Variants in EIF2B3 observed in about 807,000 individuals in gnomAD.
EIF2B3 encodes translation initiation factor eIF2B subunit gamma.
In EIF2B3, 20 loss-of-function variants were observed where a neutral mutation model predicts 54.1. The ratio of observed to expected loss-of-function variants is 0.37; its 90% confidence interval spans 0.26 to 0.54. EIF2B3 has a LOEUF of 0.54. EIF2B3 is among the 20% of genes least tolerant of loss of function. The probability of loss-of-function intolerance (pLI) is 0.86; values close to 1 mark genes in which losing one functional copy is unlikely to be tolerated. For missense variants in EIF2B3, 448 were observed against 547.8 expected, an observed-to-expected ratio of 0.82 and a Z score of 1.82; for synonymous variants, 153 against 188.1, an observed-to-expected ratio of 0.81 and a Z score of 1.52.
At chr1:44,856,617 G>A (rs1026201421) in intron 11 of EIF2B3, among the ~76,000 whole-genome samples, 1 of 150,582 alleles carries the variant, frequency 6.6e-6, no homozygotes, top group Non-Finnish European at 1.5e-5. Context: ...GTTGAGATGT[G>A]AACTGAGGTC....
chr1:44,941,724 T>A, intron 3 of EIF2B3, 59 bp from the exon 4 acceptor site: 2 of 1,599,600 alleles, frequency 1.3e-6, no homozygotes, highest in Non-Finnish European at 1.7e-6. Flanking sequence ...ACACAAATCA[T>A]CACAAGACAA....
chr1:44,914,017 G>C lies in EIF2B3; in HGVS notation c.566+12611C>G, dbSNP rs534721394. Among the ~76,000 whole-genome samples, 4 of 142,522 alleles carry C rather than the reference G, an allele frequency of 2.8e-5. No homozygotes were observed. The South Asian group carries it at 9.1e-4, about 32-fold the overall frequency. The allele number at this position is 142,522 out of a possible 152,430, so 93.5% of individuals were successfully genotyped here. A position where few individuals can be genotyped will look rare whatever the true frequency, so the allele number is the denominator to read the frequency against. On this transcript the variant is annotated intron_variant, in intron 5 of 11. Coordinates refer to ENST00000360403, the MANE Select transcript of EIF2B3 (RefSeq NM_020365.5). ...AATTTTTTCAAAAACTTTTTGTAGA[G>C]ATGTAGTCTCAGGATGTTGCCCAGG...
At chr1:44,983,380 A>G (rs1164806865) in intron 1 of EIF2B3, among the ~76,000 whole-genome samples, 2 of 152,214 alleles carry the variant, frequency 1.3e-5, no homozygotes, top group Non-Finnish European at 2.9e-5. Context: ...CCAGCACATC[A>G]ACATCTAAAG....
At chr1:44,970,451 A>G (rs931626313) in intron 3 of EIF2B3, among the ~76,000 whole-genome samples, 1 of 152,168 alleles carries the variant, frequency 6.6e-6, no homozygotes, top group Non-Finnish European at 1.5e-5. Context: ...ATAAACCTCA[A>G]ACTTTTAGGG....
chr1:44,911,137 T>C (rs1476803842), intron 5 of EIF2B3, among the ~76,000 whole-genome samples: 1 of 152,210 alleles, frequency 6.6e-6, no homozygotes, highest in Admixed American at 6.5e-5. Context: ...ATTCTCATAA[T>C]CAGAAAGTGC....
chr1:44,919,609 C>G (rs915744686), intron 5 of EIF2B3, among the ~76,000 whole-genome samples: 1 of 151,980 alleles, frequency 6.6e-6, no homozygotes, highest in African/African-American at 2.4e-5. Context: ...GTTTTCTGAC[C>G]TATTCCAGTG....
rs368984537 is a variant in EIF2B3 at position 44,970,653 on chromosome 1, AACTT to A, written c.294+7658_294+7661del. ...CCGACATCCCTTAGCAAACACTGAC[AACTT>A]ACTTCTTAGGCTGTCTCACTTTCTT... On this transcript the variant is annotated intron_variant, in intron 3 of 11. Coordinates refer to ENST00000360403, the MANE Select transcript of EIF2B3 (RefSeq NM_020365.5). 2.3e-4 allele frequency among the ~76,000 whole-genome samples: 35 copies of A among 152,332 alleles called. 2 individuals are homozygous for A. In the South Asian group the frequency reaches 7.3e-3, roughly 32 times the overall value.
chr1:44,884,007 T>G (rs1377158556), intron 6 of EIF2B3, among the ~76,000 whole-genome samples: 1 of 152,146 alleles, frequency 6.6e-6, no homozygotes, highest in Non-Finnish European at 1.5e-5. Context: ...CCCAGCTAAT[T>G]TTTTTATTAT....
intron 8 of EIF2B3, among the ~76,000 whole-genome samples, chr1:44,876,228 C>T (rs1365376098): frequency 1.3e-5 from 2 of 151,896 alleles, no homozygotes; most frequent in African/African-American, 4.8e-5. Context: ...AGGAGCGTCT[C>T]TGCCTGGCCG....
intron 3 of EIF2B3, among the ~76,000 whole-genome samples, chr1:44,963,461 G>T (rs764528000): frequency 7.2e-5 from 11 of 151,786 alleles, no homozygotes; most frequent in Non-Finnish European, 1.5e-4. Context: ...GTAGAGACAG[G>T]GTTTTGCCAC....
intron 1 of EIF2B3, among the ~76,000 whole-genome samples, chr1:44,985,705 C>T (rs1402503652): frequency 6.6e-6 from 1 of 152,194 alleles, no homozygotes; most frequent in Non-Finnish European, 1.5e-5. Context: ...GAATAGTAAT[C>T]ATGAACATAA....
intron 8 of EIF2B3, 112 bp downstream of exon 8, chr1:44,879,706 G>T: frequency 2.4e-6 from 3 of 1,262,040 alleles, no homozygotes; most frequent in Admixed American, 1.9e-5. Context: ...GCTCAACCTT[G>T]GGAATGACAG....
chr1:44,907,258 G>C (rs919447813), intron 5 of EIF2B3, among the ~76,000 whole-genome samples: 1 of 152,134 alleles, frequency 6.6e-6, no homozygotes, highest in African/African-American at 2.4e-5. Flanking sequence ...GTCATTCCCT[G>C]CTTAAAATGC....
rs756023396 is a variant in EIF2B3 at position 44,981,090 on chromosome 1, G to A, written c.79C>T (p.Leu27=). The change falls in exon 2 of 12, where the codon CTG becomes TTG. Residue 27 remains leucine (L), a synonymous_variant. Transcript: ENST00000360403. ...TDLTSSIPKP[L]LPVGNKPLIW... ...AAAGGTTTGTTCCCAACTGGAAGCAGAGGTTTGGGAATGCTGGAAGTTAGG... is the reference window on the plus strand; with the variant it reads ...AAAGGTTTGTTCCCAACTGGAAGCAAAGGTTTGGGAATGCTGGAAGTTAGG... The A allele has an allele frequency of 9.3e-6, 15 of 1,613,354 alleles. No homozygotes were observed. The East Asian group carries it at 3.1e-4, about 34-fold the overall frequency.
At chr1:44,893,830 AAGAG>A (rs1655879919) in intron 6 of EIF2B3, among the ~76,000 whole-genome samples, 1 of 152,096 alleles carries the variant, frequency 6.6e-6, no homozygotes, top group South Asian at 2.1e-4. Context: ...AAGTCTCTTA[AAGAG>A]AGAAAGATAA....
At chr1:44,888,362 G>A (rs1003083407) in intron 6 of EIF2B3, among the ~76,000 whole-genome samples, 1 of 151,654 alleles carries the variant, frequency 6.6e-6, no homozygotes, top group African/African-American at 2.4e-5. Context: ...CCCCAGGAGC[G>A]ATGGTGTGGC....
chr1:44,957,653 T>G (rs376162426), intron 3 of EIF2B3, among the ~76,000 whole-genome samples: 4 of 152,002 alleles, frequency 2.6e-5, no homozygotes, highest in Admixed American at 6.6e-5. Flanking sequence ...CCCAGCTACT[T>G]TGGAGGCTGA....
At chr1:44,910,631 C>CTTTT (rs60757270) in intron 5 of EIF2B3, among the ~76,000 whole-genome samples, 1 of 61,424 alleles carries the variant, frequency 1.6e-5, no homozygotes, top group Non-Finnish European at 3.1e-5. Flanking sequence ...CCAAGTAATG[C>CTTTT]TTTTTTTTTT....
chr1:44,926,668 A>C lies in EIF2B3; in HGVS notation c.526T>G (p.Leu176Val). The change falls in exon 5 of 12, where the codon TTG becomes GTG. Residue 176 changes from leucine (L) to valine (V), a missense_variant. By Grantham distance (32) the Leu-to-Val change is conservative (BLOSUM62 1). Transcript: ENST00000360403. ...RLLFMANEAD[L>V]DEELVIKGSI... ...CCCTTAATGACCAGCTCTTCATCCA[A>C]GTCTGCTTCATTAGCCATGAAGAGC... 1 of 1,614,064 alleles carries C rather than the reference A, an allele frequency of 6.2e-7. No individual in the cohort carries two copies. The highest frequency in any genetic ancestry group is 8.5e-7 in the Non-Finnish European group (1 of 1,180,010).
Sources: allele counts gnomAD v4.1 joint callset (sites outside exome capture counted in the v4.1 genomes callset), GRCh38; gene constraint gnomAD v4.1.1; transcripts MANE v1.5; gene names NCBI Gene and HGNC (gene_info 2026-07-23, HGNC 2026-07-21).